Variants in NLRC5 observed in about 807,000 individuals in gnomAD.
NLRC5 encodes the protein NLR family CARD domain containing 5, also known as protein NLRC5.
A neutral mutation model predicts 206.9 loss-of-function variants in NLRC5; 114 were observed. The ratio of observed to expected loss-of-function variants is 0.55; its 90% CI spans 0.47 to 0.64. NLRC5 has a LOEUF of 0.64. Ranked by LOEUF, NLRC5 falls within the 30% of genes least tolerant of loss-of-function variation. NLRC5 has a pLI of 0.00. For missense variants in NLRC5, 2,008 were observed against 2,305.5 expected, an observed-to-expected ratio of 0.87 and a Z score of 2.64; for synonymous variants, 952 against 962.8, an observed-to-expected ratio of 0.99 and a Z score of 0.21.
In NLRC5 at chr16:57,026,087, G is replaced by T. The variant is rs200058658; in HGVS notation, c.1144G>T (p.Ala382Ser). 6.2e-6 allele frequency: 10 copies of T among 1,614,072 alleles called. No individual in the cohort carries two copies. The highest frequency in any genetic ancestry group is 3.3e-5 in the Admixed American group (2 of 60,034). ...VEEYVNHFFS[A>S]QPSREGALVE... Reference sequence around the variant, plus strand: ...AGAATATGTGAATCACTTCTTCAGCGCCCAGCCATCGCGGGAGGGGGCCCT... The same window carrying T: ...AGAATATGTGAATCACTTCTTCAGCTCCCAGCCATCGCGGGAGGGGGCCCT... Residue 382 changes from alanine to serine, a missense_variant, in exon 6 of 49, where the codon GCC (alanine) becomes TCC (serine). Transcript: ENST00000688547.
intron 41 of NLRC5, 139 bp downstream of exon 41, chr16:57,077,518 C>T (rs1960514037): frequency 3.2e-6 from 3 of 946,710 alleles, no homozygotes; most frequent in Non-Finnish European, 4.7e-6. Flanking sequence ...TCGGTGACCT[C>T]CTGGCCCTCA....
chr16:57,078,082 G>A, intron 43 of NLRC5, 62 bp downstream of exon 43: 1 of 1,283,078 alleles, frequency 7.8e-7, no homozygotes, highest in Non-Finnish European at 1.0e-6. Flanking sequence ...CGGGAGCAGT[G>A]GGGGGGTCCA....
intron 1 of NLRC5, among the ~76,000 whole-genome samples, chr16:57,001,869 T>A (rs1213809220): frequency 6.6e-6 from 1 of 152,170 alleles, no homozygotes; most frequent in African/African-American, 2.4e-5. Context: ...TTGTACCCAC[T>A]AACCATCCCC....
chr16:57,012,825 A>G lies in NLRC5; in HGVS notation c.-127-4249A>G, dbSNP rs147314401. ...AGTGGCTGGACCATTTTACATTCCC[A>G]CCGGCAATATATACGGTGTCCTGTT... On this transcript the variant is annotated intron_variant, in intron 1 of 48. Coordinates refer to ENST00000688547, the MANE Select transcript of NLRC5 (RefSeq NM_001384950.1). Among the ~76,000 whole-genome samples the G allele has an allele frequency of 4.4e-3, 674 of 152,314 alleles. 4 individuals are homozygous for G. The highest frequency in any genetic ancestry group is 0.015 in the African/African-American group (633 of 41,558).
intron 3 of NLRC5, 59 bp downstream of exon 3, chr16:57,021,066 C>T (rs537423505): frequency 2.2e-5 from 33 of 1,530,120 alleles, no homozygotes; most frequent in African/African-American, 1.6e-4. Flanking sequence ...CATGGGGAGC[C>T]GGGAGGAGCC....
chr16:57,020,088 C>T (rs1278710849), intron 2 of NLRC5, among the ~76,000 whole-genome samples: 2 of 151,994 alleles, frequency 1.3e-5, no homozygotes, highest in African/African-American at 4.8e-5. Context: ...GGCCACTTCC[C>T]TGCCTATTTT....
chr16:57,056,781 C>T (rs1415343873), intron 27 of NLRC5, among the ~76,000 whole-genome samples: 1 of 151,922 alleles, frequency 6.6e-6, no homozygotes. Flanking sequence ...GCCTCAGCCT[C>T]CCAAGGAGCT....
At chr16:57,070,278 C>T (rs1354307718) in intron 37 of NLRC5, among the ~76,000 whole-genome samples, 1 of 151,706 alleles carries the variant, frequency 6.6e-6, no homozygotes, top group Non-Finnish European at 1.5e-5. Context: ...TCCCTAGTCC[C>T]CCAGCTTCCT....
At chr16:57,039,976 A>C in intron 16 of NLRC5, 127 bp downstream of exon 16, 2 of 851,042 alleles carry the variant, frequency 2.4e-6, no homozygotes, top group Non-Finnish European at 3.8e-6. Context: ...AAGAGCGGGA[A>C]GTGAGCAGGC....
At chr16:57,061,930 AAAAG>A (rs71383216) in intron 32 of NLRC5, 498,906 of 1,516,230 alleles carry the variant, frequency 0.33, 83,209 homozygotes, top group African/African-American at 0.36. Context: ...ATTTAAGAAA[AAAAG>A]AAAGAAAGAA....
At chr16:57,010,132 G>A (rs1475101077) in intron 1 of NLRC5, among the ~76,000 whole-genome samples, 23 of 152,184 alleles carry the variant, frequency 1.5e-4, no homozygotes, top group African/African-American at 5.1e-4. Flanking sequence ...TTTAGGAGGA[G>A]AGATCAGGAG....
chr16:57,052,436 G>A lies in NLRC5; in HGVS notation c.3506+815G>A, dbSNP rs572179025. The A allele has an allele frequency of 2.7e-3, 413 of 152,128 alleles. 2 individuals are homozygous for A. The highest frequency in any genetic ancestry group is 3.9e-3 in the Non-Finnish European group (265 of 68,284). The allele number at this position is 152,128 out of a possible 1,614,324, so 9.4% of individuals were successfully genotyped here. On this transcript the variant is annotated intron_variant, in intron 24 of 48. Coordinates refer to ENST00000688547, the MANE Select transcript of NLRC5 (RefSeq NM_001384950.1). ...TGCAGTGAGCCGAGATCGCGCCATTGCACTCCAGCTTGGGCGACAAGAGTG... is the reference window on the plus strand; with the variant it reads ...TGCAGTGAGCCGAGATCGCGCCATTACACTCCAGCTTGGGCGACAAGAGTG...
intron 11 of NLRC5, among the ~76,000 whole-genome samples, chr16:57,032,420 T>C (rs2061983452): frequency 6.6e-6 from 1 of 152,058 alleles, no homozygotes; most frequent in African/African-American, 2.4e-5. Flanking sequence ...CAGTGTCACT[T>C]TCTTTTCCCT....
At chr16:56,993,721 A>G (rs758703927) in intron 1 of NLRC5, among the ~76,000 whole-genome samples, 42 of 152,198 alleles carry the variant, frequency 2.8e-4, no homozygotes, top group Non-Finnish European at 4.0e-4. Context: ...CTCATTTTCC[A>G]TAAACTGTCA....
At chr16:57,037,589 C>T (rs2062761093) in intron 15 of NLRC5, among the ~76,000 whole-genome samples, 1 of 152,164 alleles carries the variant, frequency 6.6e-6, no homozygotes, top group African/African-American at 2.4e-5. Context: ...CTCTCCAGCC[C>T]AAACTCTCCA....
chr16:57,050,983 G>T (rs1290309243), intron 23 of NLRC5, among the ~76,000 whole-genome samples: 1 of 152,090 alleles, frequency 6.6e-6, no homozygotes, highest in African/African-American at 2.4e-5. Context: ...CTCCTGAGTA[G>T]CTATTACTAC....
At chr16:57,069,225 C>T (rs1038861740) in intron 36 of NLRC5, among the ~76,000 whole-genome samples, 4 of 152,196 alleles carry the variant, frequency 2.6e-5, no homozygotes, top group South Asian at 4.1e-4. Context: ...TTACTTAAAT[C>T]GATGAATCAG....
At chr16:57,065,794 TGGGA>T (rs2067015887) in intron 33 of NLRC5, among the ~76,000 whole-genome samples, 1 of 152,222 alleles carries the variant, frequency 6.6e-6, no homozygotes, top group Non-Finnish European at 1.5e-5. Flanking sequence ...TTTGCAGGGC[TGGGA>T]GGATTACAAG....
intron 3 of NLRC5, 124 bp from the exon 4 acceptor site, chr16:57,022,132 A>G: frequency 1.5e-6 from 1 of 680,724 alleles, no homozygotes; most frequent in Non-Finnish European, 2.5e-6. Flanking sequence ...TGAGTGTTCC[A>G]TTTAGTTCTC....
Sources: gnomAD v4.1 joint callset for allele counts (sites outside exome capture counted in the v4.1 genomes callset) on GRCh38, gnomAD v4.1.1 for gene constraint, MANE v1.5 for transcripts, NCBI Gene and HGNC (gene_info 2026-07-23, HGNC 2026-07-21) for gene names.